Variants in CNTNAP2 observed in about 807,000 individuals in gnomAD.
CNTNAP2 encodes contactin-associated protein-like 2.
A neutral mutation model predicts 155.2 loss-of-function variants in CNTNAP2; 98 were observed. The observed-to-expected ratio is 0.63, with a 90% CI of 0.54 to 0.75. The LOEUF (loss-of-function observed/expected upper bound fraction) is 0.75, where lower values mean the gene tolerates loss of function less well. Ranked by LOEUF, CNTNAP2 falls within the 30% of genes least tolerant of loss-of-function variation. The probability of loss-of-function intolerance (pLI) is 0.00; values close to 1 mark genes in which losing one functional copy is unlikely to be tolerated. For missense variants in CNTNAP2, 1,727 were observed against 1,688.1 expected (o/e 1.02, Z -0.40); for synonymous variants, 651 against 631.2 (o/e 1.03, Z -0.47).
intron 8 of CNTNAP2, among the ~76,000 whole-genome samples, chr7:147,225,304 G>A (rs2116603729): frequency 6.6e-6 from 1 of 152,176 alleles, no homozygotes; most frequent in East Asian, 1.9e-4. Flanking sequence ...TGTTTTTAGG[G>A]TTGCCGTTTG....
chr7:146,214,320 A>C (rs4391342), intron 1 of CNTNAP2, among the ~76,000 whole-genome samples: 1 of 152,194 alleles, frequency 6.6e-6, no homozygotes, highest in East Asian at 1.9e-4. Context: ...CATTCAGTGT[A>C]GGGTTCTATA....
intron 11 of CNTNAP2, among the ~76,000 whole-genome samples, chr7:147,556,948 A>G (rs1449279908): frequency 1.3e-5 from 2 of 152,202 alleles, no homozygotes; most frequent in Non-Finnish European, 2.9e-5. Context: ...TTTAATGAAA[A>G]TGAATAAGAC....
intron 1 of CNTNAP2, among the ~76,000 whole-genome samples, chr7:146,613,494 T>G (rs1002795035): frequency 6.6e-6 from 1 of 152,356 alleles, no homozygotes; most frequent in Admixed American, 6.5e-5. Context: ...TAAAATATTC[T>G]ACCATCTACA....
chr7:148,366,843 T>G (rs1166804121), intron 21 of CNTNAP2, among the ~76,000 whole-genome samples: 1 of 151,770 alleles, frequency 6.6e-6, no homozygotes, highest in Non-Finnish European at 1.5e-5. Flanking sequence ...AAAGGCAACT[T>G]CAGGCCCTTC....
intron 3 of CNTNAP2, among the ~76,000 whole-genome samples, chr7:146,999,243 CAA>C (rs3081713): frequency 0.39 from 51,763 of 131,418 alleles, 9,257 homozygotes; most frequent in East Asian, 0.47. Flanking sequence ...AGTTTGATTG[CAA>C]AAAAAAAAAA....
intron 18 of CNTNAP2, 75 bp from the exon 19 acceptor site, chr7:148,217,213 T>G (rs774315300): frequency 6.8e-7 from 1 of 1,462,654 alleles, no homozygotes; most frequent in Non-Finnish European, 9.6e-7. Flanking sequence ...CTCCATGAAC[T>G]GCTGGAGAGG....
intron 10 of CNTNAP2, among the ~76,000 whole-genome samples, chr7:147,472,177 G>T (rs1218909983): frequency 2.1e-5 from 3 of 145,760 alleles, no homozygotes; most frequent in African/African-American, 7.7e-5. Context: ...AATGAAAGGA[G>T]AATCCATTGA....
intron 1 of CNTNAP2, among the ~76,000 whole-genome samples, chr7:146,201,757 A>G (rs995250232): frequency 2.0e-5 from 3 of 151,762 alleles, no homozygotes; most frequent in Middle Eastern, 3.2e-3. Context: ...ATCATACATA[A>G]TTTTTCTTTA....
At chr7:147,002,128 C>T (rs575100316) in intron 3 of CNTNAP2, among the ~76,000 whole-genome samples, 19 of 151,854 alleles carry the variant, frequency 1.3e-4, no homozygotes, top group Non-Finnish European at 2.8e-4. Context: ...GAAAATTATA[C>T]AAAGAGAAAC....
chr7:148,416,790 ATCTT>A lies in CNTNAP2; in HGVS notation c.*1179_*1182del, dbSNP rs72035437. On this transcript the variant is annotated 3_prime_UTR_variant, in exon 24 of 24. Transcript: ENST00000361727. The stretch of plus-strand genomic sequence containing the variant: ...CCAATCACACTGCTGTGATTCAGGG[ATCTT>A]TCTTCTAAGACGGACACATTTGAAC... 15,960 of 152,242 alleles carry A rather than the reference ATCTT, an allele frequency of 0.1. 2,414 individuals are homozygous for A. Among genetic ancestry groups the A allele is most frequent in the African/African-American group, 0.33 (13,821 of 41,390 alleles). The allele number at this position is 152,242 out of a possible 1,614,324, so 9.4% of individuals were successfully genotyped here. A position where few individuals can be genotyped will look rare whatever the true frequency, so the allele number is the denominator to read the frequency against.
chr7:147,583,044 T>G (rs1800538322), intron 12 of CNTNAP2, among the ~76,000 whole-genome samples: 1 of 152,124 alleles, frequency 6.6e-6, no homozygotes, highest in Admixed American at 6.6e-5. Flanking sequence ...ATTGATTACA[T>G]TCATAATATT....
intron 1 of CNTNAP2, among the ~76,000 whole-genome samples, chr7:146,689,405 G>A (rs1327521626): frequency 6.6e-6 from 1 of 151,858 alleles, no homozygotes; most frequent in Non-Finnish European, 1.5e-5. Context: ...ATCATCCAGG[G>A]TAGGAGCTCT....
At chr7:147,787,996 T>C (rs1424660117) in intron 13 of CNTNAP2, among the ~76,000 whole-genome samples, 1 of 152,242 alleles carries the variant, frequency 6.6e-6, no homozygotes, top group Admixed American at 6.5e-5. Context: ...ATTCTCTTTG[T>C]ATTCTTGAAG....
intron 22 of CNTNAP2, among the ~76,000 whole-genome samples, chr7:148,401,541 C>T (rs970484011): frequency 3.9e-5 from 6 of 151,984 alleles, no homozygotes; most frequent in Non-Finnish European, 8.8e-5. Flanking sequence ...ACCTTACCTT[C>T]GTGTTTATTT....
intron 11 of CNTNAP2, among the ~76,000 whole-genome samples, chr7:147,541,352 A>G (rs1799635245): frequency 6.6e-6 from 1 of 152,208 alleles, no homozygotes; most frequent in African/African-American, 2.4e-5. Flanking sequence ...AAATGGAAAG[A>G]ATAATACCTT....
At chr7:146,845,356 G>T (rs1244043679) in intron 3 of CNTNAP2, among the ~76,000 whole-genome samples, 1 of 152,088 alleles carries the variant, frequency 6.6e-6, no homozygotes, top group Non-Finnish European at 1.5e-5. Context: ...CATGTATCTT[G>T]TTTCATTTGT....
At chr7:148,047,172 C>T (rs942851188) in intron 15 of CNTNAP2, among the ~76,000 whole-genome samples, 10 of 152,178 alleles carry the variant, frequency 6.6e-5, no homozygotes, top group African/African-American at 2.4e-4. Context: ...ATGGTCGACG[C>T]TCATTATTCA....
In CNTNAP2 at chr7:148,420,503, T is replaced by A. The variant is rs749404841; in HGVS notation, c.*4887T>A. The A allele has an allele frequency of 6.6e-6, 1 of 152,324 alleles. No homozygotes were observed. Among genetic ancestry groups the A allele is most frequent in the African/African-American group, 2.4e-5 (1 of 41,566 alleles). 9.4% of individuals were successfully genotyped at this position (152,324 alleles called of 1,614,324 possible). ...TGGCAGGAGATAATAAAAATAAATATGGGCACACATGTATTAATATACAGC... is the reference window on the plus strand; with the variant it reads ...TGGCAGGAGATAATAAAAATAAATAAGGGCACACATGTATTAATATACAGC... On this transcript the variant is annotated 3_prime_UTR_variant, in exon 24 of 24. Transcript: ENST00000361727.
At position 146,555,457 on chromosome 7, in the gene CNTNAP2, T is replaced by C. The variant is rs145561221; in HGVS notation, c.98-218814T>C. 4.5e-3 allele frequency among the ~76,000 whole-genome samples: 692 copies of C among 152,098 alleles called. 4 individuals are homozygous for C. Among genetic ancestry groups the C allele is most frequent in the African/African-American group, 0.016 (645 of 41,450 alleles). ...TCTTCTATCTCATCTATTTATCGAT[T>C]TATCCATCTATATGTAATCTACTCT... On this transcript the variant is annotated intron_variant, in intron 1 of 23. Transcript: ENST00000361727.
Sources: gnomAD v4.1 joint callset for allele counts (sites outside exome capture counted in the v4.1 genomes callset) on GRCh38, gnomAD v4.1.1 for gene constraint, MANE v1.5 for transcripts, NCBI Gene and HGNC (gene_info 2026-07-23, HGNC 2026-07-21) for gene names.